The following NDE1 variants were observed in gnomAD, a reference collection of about 807,000 sequenced individuals.
NDE1 encodes the protein nudE neurodevelopment protein 1.
NDE1 carries 28 observed loss-of-function variants against 43.4 expected under a neutral mutation model. The ratio of observed to expected loss-of-function variants is 0.65; its 90% CI spans 0.48 to 0.89. The LOEUF (loss-of-function observed/expected upper bound fraction) is 0.89, where lower values mean the gene tolerates loss of function less well. Ranked by LOEUF, NDE1 falls within the 40% of genes least tolerant of loss-of-function variation. NDE1 has a pLI of 0.00. For synonymous variants in NDE1, 184 were observed against 172.0 expected (o/e 1.07, Z -0.55); for missense variants, 441 against 434.1 (o/e 1.02, Z -0.14).
upstream of NDE1, among the ~76,000 whole-genome samples, chr16:15,648,424 C>T (rs928946051): frequency 6.6e-6 from 1 of 152,138 alleles, no homozygotes; most frequent in African/African-American, 2.4e-5. Flanking sequence ...TCCAGCCAAG[C>T]ATGGTGGCTT....
intron 8 of NDE1, chr16:15,701,348 A>G (rs969011399): frequency 1.3e-5 from 2 of 152,156 alleles, no homozygotes; most frequent in African/African-American, 2.4e-5. Flanking sequence ...TTCCAGACCA[A>G]CCAGCGTCAG....
At chr16:15,650,024 C>T (rs1210058354), upstream of NDE1, among the ~76,000 whole-genome samples, 1 of 152,236 alleles carries the variant, frequency 6.6e-6, no homozygotes, top group Non-Finnish European at 1.5e-5. Flanking sequence ...CGCCGCAGCC[C>T]AGCGCCCGGC....
intron 3 of NDE1, among the ~76,000 whole-genome samples, chr16:15,674,587 C>T (rs529046912): frequency 6.6e-6 from 1 of 152,294 alleles, no homozygotes; most frequent in East Asian, 1.9e-4. Context: ...AATGTTCTTT[C>T]TGTCTCCATG....
chr16:15,717,031 G>T (rs747949350), intron 8 of NDE1: 28 of 1,184,566 alleles, frequency 2.4e-5, no homozygotes, highest in Non-Finnish European at 3.4e-5. Context: ...CACAGAGCTT[G>T]CTTCTTACAA....
chr16:15,654,467 G>A (rs145004745), intron 1 of NDE1, among the ~76,000 whole-genome samples: 1,594 of 151,618 alleles, frequency 0.011, 32 homozygotes, highest in African/African-American at 0.036. Context: ...CAGTCGTGGT[G>A]GCATGCACCT....
intron 4 of NDE1, among the ~76,000 whole-genome samples, chr16:15,683,015 ATTTT>A (rs771128840): frequency 7.0e-6 from 1 of 143,834 alleles, no homozygotes; most frequent in Admixed American, 7.0e-5. Flanking sequence ...CAACTTACAC[ATTTT>A]TTTTTTTTAA....
At chr16:15,651,144 T>TG (rs1317445375) in intron 1 of NDE1, among the ~76,000 whole-genome samples, 4 of 152,346 alleles carry the variant, frequency 2.6e-5, no homozygotes, top group African/African-American at 9.6e-5. Context: ...TTCTGCCTCC[T>TG]GAGGGCCTGA....
At chr16:15,685,353 C>T (rs576908006) in intron 4 of NDE1, among the ~76,000 whole-genome samples, 62 of 152,198 alleles carry the variant, frequency 4.1e-4, no homozygotes, top group African/African-American at 1.4e-3. Context: ...TTCCTGGGCT[C>T]AAGCAGTCCT....
intron 6 of NDE1, 52 bp downstream of exon 6, chr16:15,691,375 G>C: frequency 6.3e-7 from 1 of 1,585,808 alleles, no homozygotes; most frequent in East Asian, 2.3e-5. Flanking sequence ...GTGTTTCTGG[G>C]TAAGAATCTG....
rs556360011 is a variant in NDE1, at chr16:15,688,620, G to A, written c.523+1109G>A. Reference sequence around the variant, plus strand: ...TGCACTCCAGCCTGGGTGACAGAGTGAGACTCTTGTCTCAAAAAAAAAAAA... The same window carrying A: ...TGCACTCCAGCCTGGGTGACAGAGTAAGACTCTTGTCTCAAAAAAAAAAAA... On this transcript the variant is annotated intron_variant, in intron 5 of 8. Coordinates refer to ENST00000396354, the MANE Select transcript of NDE1 (RefSeq NM_017668.3). Among the ~76,000 whole-genome samples the A allele has an allele frequency of 5.6e-5, 7 of 125,052 alleles. 1 individual carries two copies. The South Asian group carries it at 1.5e-3, about 26-fold the overall frequency. The allele number at this position is 125,052 out of a possible 152,430, so 82.0% of individuals were successfully genotyped here. A position where few individuals can be genotyped will look rare whatever the true frequency, so the allele number is the denominator to read the frequency against.
At chr16:15,710,392 G>A (rs1296914804) in intron 8 of NDE1, among the ~76,000 whole-genome samples, 7 of 152,146 alleles carry the variant, frequency 4.6e-5, no homozygotes, top group South Asian at 2.1e-4. Flanking sequence ...GTGGTGGCAC[G>A]CACCTGTAAT....
intron 8 of NDE1, among the ~76,000 whole-genome samples, chr16:15,706,247 C>G (rs1227013048): frequency 1.3e-5 from 2 of 152,204 alleles, no homozygotes; most frequent in East Asian, 3.9e-4. Context: ...CTCCATCCTT[C>G]TCTCTCTAGA....
At chr16:15,650,662 G>T (rs1271007627) in intron 1 of NDE1, among the ~76,000 whole-genome samples, 6 of 152,068 alleles carry the variant, frequency 3.9e-5, no homozygotes, top group African/African-American at 1.2e-4. Flanking sequence ...AAGCCTTGCC[G>T]GTCCCCAAAC....
rs2038963488 is a variant in NDE1 at position 15,695,379 on chromosome 16, GC to G, written c.795+1124del. 3 of 452,536 alleles carry G rather than the reference GC, an allele frequency of 6.6e-6. No individual in the cohort carries two copies. In the South Asian group the frequency reaches 2.8e-4, roughly 42 times the overall value. The allele number at this position is 452,536 out of a possible 1,614,324, so 28.0% of individuals were successfully genotyped here. On this transcript the variant is annotated intron_variant, in intron 7 of 8. Transcript: ENST00000396354. ...AAAAATTAGCCAGGAATGGTGGTGG[GC>G]ACCTGCGATCCCAGCTACTTGAGAG...
intron 8 of NDE1, chr16:15,720,414 C>G (rs2040405450): frequency 6.8e-7 from 1 of 1,464,064 alleles, no homozygotes. Flanking sequence ...GCACAGCCCC[C>G]TTGTGAGGTG....
intron 8 of NDE1, among the ~76,000 whole-genome samples, chr16:15,698,585 G>A (rs557808804): frequency 1.3e-5 from 2 of 151,050 alleles, no homozygotes; most frequent in Admixed American, 1.3e-4. Context: ...CAGGTGCAGT[G>A]AAGTGGCTCA....
chr16:15,724,027 GAC>G, intron 8 of NDE1, 162 bp from the exon 9 acceptor site: 2 of 1,477,694 alleles, frequency 1.4e-6, no homozygotes, highest in Non-Finnish European at 1.9e-6. Flanking sequence ...GACAAGATAA[GAC>G]AGCCTCCCAT....
In NDE1 at chr16:15,678,034, A is replaced by G. The variant is rs987212655; in HGVS notation, c.386+85A>G. On this transcript the variant is annotated intron_variant, in intron 4 of 8. Coordinates refer to ENST00000396354, the MANE Select transcript of NDE1 (RefSeq NM_017668.3). ...CAGCTGGGTACTGGGCCCTGTGCTG[A>G]GTATAGGGAACTAAGCAGTGAGCAG... The G allele has an allele frequency of 2.6e-6, 4 of 1,530,030 alleles. No homozygotes were observed. The African/African-American group carries it at 5.5e-5, about 21-fold the overall frequency. 94.8% of individuals were successfully genotyped at this position (1,530,030 alleles called of 1,614,324 possible). A position where few individuals can be genotyped will look rare whatever the true frequency, so the allele number is the denominator to read the frequency against.
At chr16:15,704,369 A>G (rs928241898) in intron 8 of NDE1, among the ~76,000 whole-genome samples, 6 of 152,054 alleles carry the variant, frequency 3.9e-5, no homozygotes, top group African/African-American at 1.5e-4. Context: ...GTGGGTGGAG[A>G]AGGTTTTTCA....
Sources: allele counts gnomAD v4.1 joint callset (sites outside exome capture counted in the v4.1 genomes callset), GRCh38; gene constraint gnomAD v4.1.1; transcripts MANE v1.5; gene names NCBI Gene and HGNC (gene_info 2026-07-23, HGNC 2026-07-21).